Variants in GMEB1 observed in about 807,000 individuals in gnomAD.
GMEB1 encodes the protein glucocorticoid modulatory element-binding protein 1.
Under a neutral mutation model 52.4 loss-of-function variants are expected in GMEB1, and 6 were observed. That is an observed-to-expected ratio of 0.11 (90% confidence interval 0.06 to 0.23). The LOEUF is 0.23. Ranked by LOEUF, GMEB1 falls within the 10% of genes least tolerant of loss-of-function variation. GMEB1 has a pLI of 1.00. For synonymous variants in GMEB1, 255 were observed against 244.9 expected (o/e 1.04, Z -0.38); for missense variants, 486 against 685.6 (o/e 0.71, Z 3.25).
chr1:28,681,607 AC>A (rs1669390151), intron 1 of GMEB1, among the ~76,000 whole-genome samples: 1 of 152,136 alleles, frequency 6.6e-6, no homozygotes, highest in Admixed American at 6.6e-5. Context: ...GTATTTTGGG[AC>A]CATTGAGGGA....
In GMEB1 at chr1:28,704,327, C is replaced by T; in HGVS notation, c.866C>T (p.Thr289Ile). Reference sequence around the variant, plus strand: ...CTCATCCAGGCTCCCTTCCAAGTCACAGGTAAGTGCACTAATCCTAACAGT... The same window carrying T: ...CTCATCCAGGCTCCCTTCCAAGTCATAGGTAAGTGCACTAATCCTAACAGT... ...QRLIQAPFQVTDAAVLNNVAH... is the reference protein window; with the variant it reads ...QRLIQAPFQVIDAAVLNNVAH... The change falls in exon 8 of 10, where the codon ACA becomes ATA. Residue 289 changes from threonine (T) to isoleucine (I), a missense_variant and splice_region_variant. Coordinates refer to ENST00000373816, the MANE Select transcript of GMEB1 (RefSeq NM_001319674.2). The T allele has an allele frequency of 1.9e-6, 3 of 1,611,126 alleles. No individual in the cohort carries two copies. The highest frequency in any genetic ancestry group is 1.7e-6 in the Non-Finnish European group (2 of 1,178,550).
chr1:28,668,895 C>T (rs904811908), intron 1 of GMEB1, 56 bp downstream of exon 1: 23 of 102,544 alleles, frequency 2.2e-4, no homozygotes, highest in Admixed American at 4.2e-4. Context: ...GGCGGGGGGG[C>T]GGGCGCGGGG....
intron 7 of GMEB1, among the ~76,000 whole-genome samples, chr1:28,702,777 C>T (rs375440628): frequency 1.3e-5 from 2 of 152,066 alleles, no homozygotes; most frequent in Non-Finnish European, 1.5e-5. Flanking sequence ...ATTGGCCGGG[C>T]GCAGTGGCTG....
rs1671196118 is a variant in GMEB1 at position 28,714,389 on chromosome 1, C to G, written c.1308C>G (p.Phe436Leu). 1 of 1,614,234 alleles carries G rather than the reference C, an allele frequency of 6.2e-7. No individual in the cohort carries two copies. Among genetic ancestry groups the G allele is most frequent in the Non-Finnish European group, 8.5e-7 (1 of 1,180,034 alleles). Residue 436 changes from phenylalanine (F) to leucine (L), a missense_variant, in exon 10 of 10, where the codon TTC becomes TTG. By Grantham distance (22) the Phe-to-Leu change is conservative (BLOSUM62 0). This residue lies in a region of GMEB1 where 153 missense variants were observed against 200.8 expected (regional missense o/e 0.76). Coordinates refer to ENST00000373816, the MANE Select transcript of GMEB1 (RefSeq NM_001319674.2). ...CACTGCCTTCTGGCCCTCAGCTCTT[C>G]CGCTATGCCACAGTGGTCTCCTCTG... ...VHTLPSGPQLFRYATVVSSAK... is the reference protein window; with the variant it reads ...VHTLPSGPQLLRYATVVSSAK...
intron 1 of GMEB1, among the ~76,000 whole-genome samples, chr1:28,683,342 C>T (rs910990989): frequency 6.6e-6 from 1 of 152,076 alleles, no homozygotes; most frequent in African/African-American, 2.4e-5. Context: ...TCTCCTTCCT[C>T]AGCCTCCTGA....
chr1:28,680,635 T>C (rs1345662521), intron 1 of GMEB1, among the ~76,000 whole-genome samples: 1 of 151,894 alleles, frequency 6.6e-6, no homozygotes, highest in African/African-American at 2.4e-5. Flanking sequence ...CTCAGGAGGC[T>C]GAGGCAGGAG....
chr1:28,669,128 C>G (rs931846274), intron 1 of GMEB1, among the ~76,000 whole-genome samples: 1 of 150,386 alleles, frequency 6.6e-6, no homozygotes, highest in Non-Finnish European at 1.5e-5. Context: ...GGCCCCAGAC[C>G]AGGGCGGCGG....
intron 9 of GMEB1, among the ~76,000 whole-genome samples, chr1:28,713,377 C>T (rs1321733242): frequency 6.6e-6 from 1 of 152,148 alleles, no homozygotes; most frequent in Non-Finnish European, 1.5e-5. Context: ...TACCAGTGGT[C>T]ACCTAGGGTT....
At chr1:28,705,491 C>T (rs1670709988) in intron 8 of GMEB1, among the ~76,000 whole-genome samples, 1 of 149,824 alleles carries the variant, frequency 6.7e-6, no homozygotes, top group Non-Finnish European at 1.5e-5. Flanking sequence ...ACTCAGTCAC[C>T]CAGGCTGGAG....
intron 1 of GMEB1, among the ~76,000 whole-genome samples, chr1:28,672,637 G>C (rs1412398673): frequency 2.0e-5 from 3 of 151,730 alleles, no homozygotes; most frequent in Non-Finnish European, 4.4e-5. Context: ...ATGTATACAT[G>C]TGCCATGTTG....
At chr1:28,710,156 GA>G (rs904883178) in intron 8 of GMEB1, among the ~76,000 whole-genome samples, 17 of 150,580 alleles carry the variant, frequency 1.1e-4, no homozygotes, top group Non-Finnish European at 2.2e-4. Flanking sequence ...CCAAAAAAAG[GA>G]AAAAAAAATT....
In GMEB1 at chr1:28,704,205, G is replaced by A. The variant is rs1412416947; in HGVS notation, c.744G>A (p.Met248Ile). Reference sequence around the variant, plus strand: ...TTCTTGTGCCAGAGGACACTTTGATGTTCTGGAAAGGAATAGCTGATGTAG... The same window carrying A: ...TTCTTGTGCCAGAGGACACTTTGATATTCTGGAAAGGAATAGCTGATGTAG... ...DSEEISEDTL[M>I]FWKGIADVGL... Residue 248 changes from methionine (M) to isoleucine (I), a missense_variant, in exon 8 of 10, where the codon ATG becomes ATA. Around this residue, in one of 5 missense-constraint regions of GMEB1, gnomAD observed 200 missense variants for 253.5 expected, o/e 0.79. Coordinates refer to ENST00000373816, the MANE Select transcript of GMEB1 (RefSeq NM_001319674.2). The A allele has an allele frequency of 1.9e-6, 3 of 1,611,802 alleles. No homozygotes were observed. Among genetic ancestry groups the A allele is most frequent in the South Asian group, 1.1e-5 (1 of 90,704 alleles).
chr1:28,714,171 C>G lies in GMEB1; in HGVS notation c.1090C>G (p.Pro364Ala), dbSNP rs748503919. 29 of 1,614,044 alleles carry G rather than the reference C, an allele frequency of 1.8e-5. No individual in the cohort carries two copies. The highest frequency in any genetic ancestry group is 1.9e-5 in the Non-Finnish European group (23 of 1,180,020). The stretch of plus-strand genomic sequence containing the variant: ...TGTGGTACTGATGCCTGTGAGCACT[C>G]CTAAGCCTCCAAAAAGGCCCCGGCT... ...QNVVLMPVST[P>A]KPPKRPRLQR... Residue 364 changes from proline (P) to alanine (A), a missense_variant, in exon 10 of 10, where the codon CCT becomes GCT. Transcript: ENST00000373816.
At chr1:28,671,462 G>A (rs779915332) in intron 1 of GMEB1, among the ~76,000 whole-genome samples, 1 of 152,112 alleles carries the variant, frequency 6.6e-6, no homozygotes, top group Non-Finnish European at 1.5e-5. Flanking sequence ...TGCCTGTAAT[G>A]CCAGCACTGT....
chr1:28,669,551 C>G (rs972372635), intron 1 of GMEB1, among the ~76,000 whole-genome samples: 1 of 151,918 alleles, frequency 6.6e-6, no homozygotes, highest in African/African-American at 2.4e-5. Context: ...AGGTTTTTTC[C>G]AAAGGCAGGG....
rs544015913 is a variant in GMEB1 at position 28,718,323 on chromosome 1, A to C, written c.*3550A>C. The C allele has an allele frequency of 4.6e-5, 7 of 152,382 alleles. No homozygotes were observed. The East Asian group carries it at 7.7e-4, about 17-fold the overall frequency. The allele number at this position is 152,382 out of a possible 1,614,324, so 9.4% of individuals were successfully genotyped here. On this transcript the variant is annotated 3_prime_UTR_variant, in exon 10 of 10. Coordinates refer to ENST00000373816, the MANE Select transcript of GMEB1 (RefSeq NM_001319674.2). ...GAGTTAAGAAATACATATTTCAGCC[A>C]GGCATGGTGGCTCACACCTAGAATC...
chr1:28,700,944 C>T (rs1670476746), intron 6 of GMEB1, among the ~76,000 whole-genome samples: 1 of 151,770 alleles, frequency 6.6e-6, no homozygotes, highest in Non-Finnish European at 1.5e-5. Context: ...CCCAACCAAA[C>T]ATGGATGGAA....
In GMEB1 at chr1:28,687,988, C is replaced by T. The variant is rs116610514; in HGVS notation, c.129-2116C>T. Among the ~76,000 whole-genome samples, 901 of 152,172 alleles carry T rather than the reference C, an allele frequency of 5.9e-3. 4 individuals are homozygous for T. The highest frequency in any genetic ancestry group is 0.02 in the African/African-American group (846 of 41,542). ...ATTCGACAAAGTCCTGTGGGACTTC[C>T]AAATGTATTTATTTGGCTGGGCACG... On this transcript the variant is annotated intron_variant, in intron 2 of 9. Coordinates refer to ENST00000373816, the MANE Select transcript of GMEB1 (RefSeq NM_001319674.2).
chr1:28,691,718 C>T lies in GMEB1; in HGVS notation c.336+9C>T. 2.1e-6 allele frequency: 3 copies of T among 1,457,744 alleles called. No homozygotes were observed. The highest frequency in any genetic ancestry group is 2.8e-6 in the Non-Finnish European group (3 of 1,085,646). The allele number at this position is 1,457,744 out of a possible 1,614,324, so 90.3% of individuals were successfully genotyped here. A position where few individuals can be genotyped will look rare whatever the true frequency, so the allele number is the denominator to read the frequency against. On this transcript the variant is annotated intron_variant, in intron 4 of 9. Coordinates refer to ENST00000373816, the MANE Select transcript of GMEB1 (RefSeq NM_001319674.2). ...ACGTGAAGTGTGTCAAGGTAATTGT[C>T]TTTTCCATGCTGAAGCCAAATTTGG...
Sources: gnomAD v4.1 joint callset for allele counts (sites outside exome capture counted in the v4.1 genomes callset) on GRCh38, gnomAD v4.1.1 for gene constraint, gnomAD v4.1.1 regional missense constraint, MANE v1.5 for transcripts, NCBI Gene and HGNC (gene_info 2026-07-23, HGNC 2026-07-21) for gene names.